SAMMSON: variants seen among roughly 807,000 people sequenced by gnomAD.
SAMMSON encodes survival associated mitochondrial melanoma specific oncogenic non-coding RNA.
At chr3:70,086,413 A>G (rs1018975226) in intron 4 of SAMMSON, among the ~76,000 whole-genome samples, 2 of 152,262 alleles carry the variant, frequency 1.3e-5, no homozygotes, top group Non-Finnish European at 2.9e-5. Flanking sequence ...AATAAAATAC[A>G]TGCAAAGATA....
chr3:70,310,033 T>G (rs1702440828), intron 7 of SAMMSON, among the ~76,000 whole-genome samples: 1 of 152,080 alleles, frequency 6.6e-6, no homozygotes, highest in Non-Finnish European at 1.5e-5. Context: ...TCACCATAAG[T>G]GGTGGTGAAG....
At chr3:70,223,304 CT>C (rs1701476405) in intron 4 of SAMMSON, among the ~76,000 whole-genome samples, 3 of 152,032 alleles carry the variant, frequency 2.0e-5, no homozygotes, top group South Asian at 2.1e-4. Flanking sequence ...ACTCAACTCA[CT>C]TTTTTTTCTG....
At chr3:70,228,027 G>A (rs1310003957) in intron 4 of SAMMSON, among the ~76,000 whole-genome samples, 1 of 151,242 alleles carries the variant, frequency 6.6e-6, no homozygotes, top group Non-Finnish European at 1.5e-5. Context: ...AATATAATAA[G>A]CAATATAAAT....
rs148701150 is a variant in SAMMSON at position 70,167,704 on chromosome 3, A to G, written n.508-81403A>G. Among the ~76,000 whole-genome samples, 553 of 152,026 alleles carry G rather than the reference A, an allele frequency of 3.6e-3. 2 individuals are homozygous for G. The highest frequency in any genetic ancestry group is 0.012 in the African/African-American group (508 of 41,498). Reference sequence around the variant, plus strand: ...TGCTAGCACAAAGAGCGTTAGGGGAACAAACAGGCATCACAGACCCTGATG... The same window carrying G: ...TGCTAGCACAAAGAGCGTTAGGGGAGCAAACAGGCATCACAGACCCTGATG... On this transcript the variant is annotated intron_variant and non_coding_transcript_variant, in intron 4 of 9. Coordinates refer to ENST00000642114, the Ensembl canonical transcript of SAMMSON.
chr3:70,065,006 A>G (rs1164480853), intron 3 of SAMMSON, among the ~76,000 whole-genome samples: 1 of 152,144 alleles, frequency 6.6e-6, no homozygotes, highest in Non-Finnish European at 1.5e-5. Context: ...GAAAAATAAT[A>G]CTGCAGTTTG....
intron 3 of SAMMSON, among the ~76,000 whole-genome samples, chr3:70,024,381 T>C (rs1023812306): frequency 1.3e-5 from 2 of 152,186 alleles, no homozygotes; most frequent in African/African-American, 4.8e-5. Flanking sequence ...CTGATTGGAA[T>C]AGAAACTAGT....
At chr3:70,282,001 CACATTACCAGA>C (rs2106682672) in intron 6 of SAMMSON, among the ~76,000 whole-genome samples, 1 of 152,270 alleles carries the variant, frequency 6.6e-6, no homozygotes, top group East Asian at 1.9e-4. Context: ...CCTGGACAGA[CACATTACCAGA>C]ACACCAGGGG....
intron 4 of SAMMSON, among the ~76,000 whole-genome samples, chr3:70,212,266 C>T (rs552611289): frequency 1.3e-5 from 2 of 152,162 alleles, no homozygotes; most frequent in Admixed American, 6.5e-5. Context: ...TACAGCTTCA[C>T]ACTTGTAACT....
chr3:70,295,301 G>T (rs568610226), intron 7 of SAMMSON, among the ~76,000 whole-genome samples: 70 of 152,280 alleles, frequency 4.6e-4, no homozygotes, highest in Non-Finnish European at 7.5e-4. Context: ...TTTCAGTAAT[G>T]TTAAGCAATT....
intron 4 of SAMMSON, chr3:70,075,167 A>C (rs2067244160): frequency 6.6e-6 from 1 of 152,098 alleles, no homozygotes; most frequent in South Asian, 2.1e-4. Context: ...ATTACGTTGC[A>C]ATTTGGAAAG....
At chr3:70,071,705 A>G (rs574977541) in intron 4 of SAMMSON, 11 of 152,080 alleles carry the variant, frequency 7.2e-5, no homozygotes, top group Non-Finnish European at 1.5e-4. Flanking sequence ...GTTATCAATG[A>G]TGATCAACCT....
chr3:70,284,558 T>C (rs1426341650), intron 6 of SAMMSON, among the ~76,000 whole-genome samples: 1 of 152,156 alleles, frequency 6.6e-6, no homozygotes, highest in Non-Finnish European at 1.5e-5. Flanking sequence ...CACGGAATAC[T>C]ATGCAGCCAT....
chr3:70,110,532 A>G (rs2067384455), intron 4 of SAMMSON, among the ~76,000 whole-genome samples: 1 of 152,164 alleles, frequency 6.6e-6, no homozygotes, highest in Admixed American at 6.6e-5. Context: ...CAATGTCAGA[A>G]TTCTCTTTCA....
intron 9 of SAMMSON, among the ~76,000 whole-genome samples, chr3:70,385,489 T>C (rs1279637383): frequency 6.6e-6 from 1 of 152,076 alleles, no homozygotes; most frequent in Non-Finnish European, 1.5e-5. Context: ...TCATTCAATA[T>C]AAATTGAAAT....
At chr3:70,165,096 C>A (rs1190263690) in intron 4 of SAMMSON, among the ~76,000 whole-genome samples, 1 of 151,982 alleles carries the variant, frequency 6.6e-6, no homozygotes, top group African/African-American at 2.4e-5. Context: ...AAAATGAATT[C>A]TCTGGACATG....
chr3:70,301,806 C>A (rs774118455), intron 7 of SAMMSON, among the ~76,000 whole-genome samples: 23 of 152,000 alleles, frequency 1.5e-4, no homozygotes, highest in Non-Finnish European at 3.2e-4. Context: ...TAAATATTAG[C>A]AGATATATTT....
intron 2 of SAMMSON, among the ~76,000 whole-genome samples, chr3:70,399,346 G>A (rs1329635867): frequency 2.0e-5 from 3 of 152,044 alleles, no homozygotes; most frequent in African/African-American, 4.8e-5. Context: ...GGAAGAGGTG[G>A]GTCACAAAAG....
At chr3:70,317,877 T>G (rs1161224160) in intron 7 of SAMMSON, among the ~76,000 whole-genome samples, 1 of 151,824 alleles carries the variant, frequency 6.6e-6, no homozygotes, top group East Asian at 1.9e-4. Context: ...TCTAAAAATG[T>G]CTTTAGTTCA....
intron 2 of SAMMSON, among the ~76,000 whole-genome samples, chr3:70,427,999 A>G (rs1008192561): frequency 6.6e-6 from 1 of 152,194 alleles, no homozygotes; most frequent in Non-Finnish European, 1.5e-5. Context: ...GTTAGTTACA[A>G]TAGTACAAAA....
Sources: gnomAD v4.1 joint callset for allele counts (sites outside exome capture counted in the v4.1 genomes callset) on GRCh38, gnomAD v4.1.1 for gene constraint, MANE v1.5 for transcripts, NCBI Gene and HGNC (gene_info 2026-07-23, HGNC 2026-07-21) for gene names.